Variants in ZFHX3 observed in about 807,000 individuals in gnomAD.
The protein encoded by ZFHX3 is zinc finger homeobox protein 3.
In ZFHX3, 42 loss-of-function variants were observed where a neutral mutation model predicts 279.1. That is an observed-to-expected ratio of 0.15 (90% CI 0.12 to 0.19). ZFHX3 has a LOEUF of 0.19. Ranked by LOEUF, ZFHX3 falls within the 10% of genes least tolerant of loss-of-function variation. The probability of loss-of-function intolerance (pLI) is 1.00; values close to 1 mark genes in which losing one functional copy is unlikely to be tolerated. For missense variants in ZFHX3, 4,981 were observed against 4,754.0 expected (o/e 1.05, Z -1.40); for synonymous variants, 2,293 against 1,957.8 (o/e 1.17, Z -4.52).
At chr16:72,864,538 G>A (rs1567553694) in intron 4 of ZFHX3, among the ~76,000 whole-genome samples, 1 of 152,152 alleles carries the variant, frequency 6.6e-6, no homozygotes, top group Non-Finnish European at 1.5e-5. Context: ...TTGTATCTTG[G>A]CAACAGACTG....
intron 4 of ZFHX3, among the ~76,000 whole-genome samples, chr16:73,277,574 TC>T (rs1266112474): frequency 6.6e-6 from 1 of 152,212 alleles, no homozygotes; most frequent in Non-Finnish European, 1.5e-5. Context: ...TGTAGATGTC[TC>T]CCAATGCAAG....
chr16:73,567,244 C>G (rs2020464775), intron 2 of ZFHX3, among the ~76,000 whole-genome samples: 1 of 152,170 alleles, frequency 6.6e-6, no homozygotes, highest in South Asian at 2.1e-4. Flanking sequence ...ACATCTGCAG[C>G]TCCTTACTGA....
Position 72,958,727 on chromosome 16 carries a change from C to CT in ZFHX3, c.1418dup (p.Glu474GlyfsTer28). The CT allele has an allele frequency of 6.2e-7, 1 of 1,601,090 alleles. No homozygotes were observed. Among genetic ancestry groups the CT allele is most frequent in the Non-Finnish European group, 8.6e-7 (1 of 1,168,812 alleles). ...CCTCCTCCTCTTCTTCCTCCTCCTCCTCCGCCTCTTCCTCCTCCTCTTCCT... is the reference window on the plus strand; with the variant it reads ...CCTCCTCCTCTTCTTCCTCCTCCTCCTTCCGCCTCTTCCTCCTCCTCTTCCT... On this transcript the variant is annotated frameshift_variant, in exon 2 of 10. Coordinates refer to ENST00000268489, the MANE Select transcript of ZFHX3 (RefSeq NM_006885.4). LOFTEE classifies it high-confidence loss of function.
Position 72,958,390 on chromosome 16 carries a change from T to G in ZFHX3, c.1756A>C (p.Arg586=). The change falls in exon 2 of 10, where the codon AGG becomes CGG. Residue 586 remains arginine, a synonymous_variant. Coordinates refer to ENST00000268489, the MANE Select transcript of ZFHX3 (RefSeq NM_006885.4). The part of the protein sequence containing the change: ...GVRANVAEGG[R]RLDFADESAN... ...CTTTCGTCAGCGAAGTCCAGCCTCCTGCCGCCCTCTGCCACATTGGCCCTG... is the reference window on the plus strand; with the variant it reads ...CTTTCGTCAGCGAAGTCCAGCCTCCGGCCGCCCTCTGCCACATTGGCCCTG... 2 of 1,614,210 alleles carry G rather than the reference T, an allele frequency of 1.2e-6. No homozygotes were observed. Among genetic ancestry groups the G allele is most frequent in the Non-Finnish European group, 1.7e-6 (2 of 1,180,030 alleles).
chr16:73,147,674 A>G (rs370742814), intron 5 of ZFHX3, among the ~76,000 whole-genome samples: 37 of 134,942 alleles, frequency 2.7e-4, no homozygotes, highest in African/African-American at 9.7e-4. Context: ...CCTGGGCGAC[A>G]GAGCGAGACT....
intron 5 of ZFHX3, among the ~76,000 whole-genome samples, chr16:73,150,163 C>T (rs1054629314): frequency 2.6e-5 from 4 of 152,038 alleles, no homozygotes; most frequent in African/African-American, 9.7e-5. Context: ...GGCTCCAGGC[C>T]CCTTTGGATT....
At chr16:73,606,789 G>T (rs916261909) in intron 2 of ZFHX3, among the ~76,000 whole-genome samples, 7 of 152,052 alleles carry the variant, frequency 4.6e-5, no homozygotes, top group African/African-American at 1.7e-4. Flanking sequence ...GTGTCCATGT[G>T]TTCTCATTGG....
At chr16:72,989,079 C>T (rs1416735665) in intron 1 of ZFHX3, among the ~76,000 whole-genome samples, 2 of 151,706 alleles carry the variant, frequency 1.3e-5, no homozygotes, top group Non-Finnish European at 2.9e-5. Context: ...GAGGCCAAGG[C>T]AAGAGGATCA....
At chr16:73,788,554 G>A (rs58506607) in intron 1 of ZFHX3, among the ~76,000 whole-genome samples, 1 of 152,060 alleles carries the variant, frequency 6.6e-6, no homozygotes, top group Non-Finnish European at 1.5e-5. Context: ...TGCCCATTAG[G>A]TCGTAAGTTC....
chr16:73,256,138 G>A (rs1355217156), intron 5 of ZFHX3, among the ~76,000 whole-genome samples: 2 of 152,158 alleles, frequency 1.3e-5, no homozygotes, highest in African/African-American at 4.8e-5. Flanking sequence ...AGGAGGAGAT[G>A]CCATTCTTCA....
chr16:73,842,303 A>C (rs892689889), intron 1 of ZFHX3, among the ~76,000 whole-genome samples: 1 of 152,084 alleles, frequency 6.6e-6, no homozygotes, highest in Non-Finnish European at 1.5e-5. Flanking sequence ...TCCTGCCACC[A>C]GGGGAAATGG....
chr16:73,041,971 A>ATG (rs1965134705), intron 1 of ZFHX3, among the ~76,000 whole-genome samples: 1 of 152,210 alleles, frequency 6.6e-6, no homozygotes, highest in Non-Finnish European at 1.5e-5. Context: ...AAAGGCACCC[A>ATG]TGTGTTCTTC....
intron 1 of ZFHX3, among the ~76,000 whole-genome samples, chr16:72,989,340 G>A (rs1962978903): frequency 6.6e-6 from 1 of 152,058 alleles, no homozygotes. Flanking sequence ...ATATTAGCCA[G>A]GCGTGGTGCT....
At chr16:73,322,127 C>T (rs575730208) in intron 3 of ZFHX3, among the ~76,000 whole-genome samples, 2 of 152,164 alleles carry the variant, frequency 1.3e-5, no homozygotes, top group Non-Finnish European at 2.9e-5. Flanking sequence ...ACACACAGCT[C>T]GGAGAGCAGA....
At chr16:73,723,270 G>A (rs921148870) in intron 1 of ZFHX3, among the ~76,000 whole-genome samples, 8 of 151,956 alleles carry the variant, frequency 5.3e-5, no homozygotes, top group African/African-American at 1.9e-4. Flanking sequence ...ATCTTGGGAA[G>A]TACTAAAAAC....
At chr16:72,802,922 C>T (rs1404731294) in intron 7 of ZFHX3, among the ~76,000 whole-genome samples, 1 of 152,196 alleles carries the variant, frequency 6.6e-6, no homozygotes, top group East Asian at 1.9e-4. Context: ...AGACTTCCTT[C>T]AACACTTGCC....
intron 2 of ZFHX3, among the ~76,000 whole-genome samples, chr16:73,593,037 T>TA (rs1012853166): frequency 1.3e-5 from 2 of 151,894 alleles, no homozygotes; most frequent in Non-Finnish European, 2.9e-5. Context: ...GACAAATTCC[T>TA]AAAAAAATAC....
chr16:72,823,846 G>C (rs918898833), intron 5 of ZFHX3, among the ~76,000 whole-genome samples: 1 of 152,088 alleles, frequency 6.6e-6, no homozygotes, highest in Non-Finnish European at 1.5e-5. Context: ...GGCGGAATTA[G>C]GCCTTGAACC....
intron 3 of ZFHX3, among the ~76,000 whole-genome samples, chr16:73,378,755 T>C (rs1419879083): frequency 2.0e-5 from 3 of 152,184 alleles, no homozygotes; most frequent in Non-Finnish European, 4.4e-5. Context: ...TTGGCTCTCA[T>C]TGCTCTCATC....
Sources: gnomAD v4.1 joint callset for allele counts (sites outside exome capture counted in the v4.1 genomes callset) on GRCh38, gnomAD v4.1.1 for gene constraint, MANE v1.5 for transcripts, NCBI Gene and HGNC (gene_info 2026-07-23, HGNC 2026-07-21) for gene names.